The following C4orf51 variants were observed in gnomAD, a reference collection of about 807,000 sequenced individuals.
C4orf51 encodes the protein chromosome 4 open reading frame 51, also known as uncharacterized protein C4orf51.
Under a neutral mutation model 25.2 loss-of-function variants are expected in C4orf51, and 25 were observed. The observed-to-expected ratio is 0.99, with a 90% CI of 0.72 to 1.39. The LOEUF is 1.39. C4orf51 is among the 40% of genes most tolerant of loss of function. The probability of loss-of-function intolerance (pLI) is 0.00; values close to 1 mark genes in which losing one functional copy is unlikely to be tolerated. For synonymous variants in C4orf51, 100 were observed against 84.5 expected (o/e 1.18, Z -1.01); for missense variants, 252 against 239.6 (o/e 1.05, Z -0.34).
intron 1 of C4orf51, among the ~76,000 whole-genome samples, chr4:145,751,762 T>C (rs1354496485): frequency 6.6e-6 from 1 of 152,220 alleles, no homozygotes; most frequent in Non-Finnish European, 1.5e-5. Context: ...GGCCCAGAGA[T>C]GCTCTTCAGG....
intron 1 of C4orf51, among the ~76,000 whole-genome samples, chr4:145,681,103 A>T (rs1728812506): frequency 6.6e-6 from 1 of 152,196 alleles, no homozygotes; most frequent in Non-Finnish European, 1.5e-5. Context: ...AGAAAGAACC[A>T]TTTAGCCCCA....
downstream of C4orf51, among the ~76,000 whole-genome samples, chr4:145,733,221 C>T (rs958502255): frequency 3.3e-5 from 5 of 152,042 alleles, no homozygotes; most frequent in Admixed American, 6.5e-5. Flanking sequence ...CCGGAGCGGC[C>T]GTCTCCTTCT....
chr4:145,787,327 G>T, the C4orf51 span, among the ~76,000 whole-genome samples: 1 of 152,064 alleles, frequency 6.6e-6, no homozygotes, highest in Non-Finnish European at 1.5e-5. Context: ...GCTGAGCGTG[G>T]TGGCGCGCGC....
intron 2 of C4orf51, 125 bp downstream of exon 2, chr4:145,696,757 G>C (rs1189672045): frequency 1.4e-6 from 1 of 703,816 alleles, no homozygotes; most frequent in Non-Finnish European, 2.4e-6. Context: ...TGTAGGCCGG[G>C]CACTGTGGCT....
At chr4:145,696,683 T>C in intron 2 of C4orf51, 51 bp downstream of exon 2, 1 of 1,387,822 alleles carries the variant, frequency 7.2e-7, no homozygotes, top group East Asian at 2.3e-5. Context: ...CCAGGGTTGC[T>C]GTGTTTCTTT....
At chr4:145,752,513 A>G (rs1170504527) in intron 1 of C4orf51, among the ~76,000 whole-genome samples, 1 of 152,170 alleles carries the variant, frequency 6.6e-6, no homozygotes, top group East Asian at 1.9e-4. Flanking sequence ...CTGAACTGTT[A>G]TCCAAGTTAC....
At chr4:145,727,897 A>G (rs6850295) in intron 3 of C4orf51, among the ~76,000 whole-genome samples, 182 of 28,062 alleles carry the variant, frequency 6.5e-3, no homozygotes, top group South Asian at 0.019. Flanking sequence ...AAAAATGTGT[A>G]TATATATATA....
downstream of C4orf51, among the ~76,000 whole-genome samples, chr4:145,755,298 C>G (rs547872568): frequency 1.5e-3 from 230 of 152,272 alleles, no homozygotes; most frequent in African/African-American, 5.4e-3. Flanking sequence ...AGCCTGACTC[C>G]AAGTAATCCA....
Position 145,686,266 on chromosome 4 carries a change from T to C in C4orf51, c.233+5830T>C, listed in dbSNP as rs190743959. The stretch of plus-strand genomic sequence containing the variant: ...GCTAGGAAGAGGGGGAAATGGGGAG[T>C]TATTGTTTAATGAATATAGAGTTTT... On this transcript the variant is annotated intron_variant, in intron 1 of 5. Coordinates refer to ENST00000438731, the MANE Select transcript of C4orf51 (RefSeq NM_001080531.3). Among the ~76,000 whole-genome samples, 25 of 152,160 alleles carry C rather than the reference T, an allele frequency of 1.6e-4. No homozygotes were observed. In the East Asian group the frequency reaches 4.8e-3, roughly 29 times the overall value.
At chr4:145,752,641 T>A (rs1733733545) in intron 1 of C4orf51, among the ~76,000 whole-genome samples, 1 of 152,192 alleles carries the variant, frequency 6.6e-6, no homozygotes, top group Non-Finnish European at 1.5e-5. Context: ...GGCACTCCCT[T>A]AGCTGCCCTG....
At chr4:145,696,523 A>G (rs1730069005) in intron 1 of C4orf51, 36 bp from the exon 2 acceptor site, 1 of 1,521,494 alleles carries the variant, frequency 6.6e-7, no homozygotes, top group Non-Finnish European at 9.1e-7. Flanking sequence ...TAAATCCATA[A>G]ATTTGTAACT....
chr4:145,718,950 A>C (rs1394813915), intron 2 of C4orf51, among the ~76,000 whole-genome samples: 1 of 152,140 alleles, frequency 6.6e-6, no homozygotes, highest in East Asian at 1.9e-4. Flanking sequence ...TTTCCTGCCT[A>C]CCACCTTTAA....
downstream of C4orf51, among the ~76,000 whole-genome samples, chr4:145,733,463 G>A (rs1050744367): frequency 3.3e-5 from 5 of 152,356 alleles, no homozygotes; most frequent in East Asian, 5.8e-4. Context: ...GGCAGCCGCC[G>A]ACTTCTGAGG....
intron 2 of C4orf51, among the ~76,000 whole-genome samples, chr4:145,701,434 C>T (rs1023283203): frequency 3.9e-5 from 6 of 152,082 alleles, no homozygotes; most frequent in African/African-American, 4.8e-5. Context: ...CCTCCTAAGC[C>T]GTGTCCCATC....
chr4:145,705,131 C>T (rs972243505), intron 2 of C4orf51, among the ~76,000 whole-genome samples: 1 of 152,208 alleles, frequency 6.6e-6, no homozygotes, highest in Non-Finnish European at 1.5e-5. Flanking sequence ...TCATTTGAGG[C>T]ATTCTTCCCT....
intron 1 of C4orf51, among the ~76,000 whole-genome samples, chr4:145,752,953 C>T (rs1303116657): frequency 1.3e-5 from 2 of 149,350 alleles, no homozygotes; most frequent in African/African-American, 5.2e-5. Context: ...GTCCCACAAT[C>T]GCTGTGCTCT....
chr4:145,747,336 A>G (rs1733423421), intron 1 of C4orf51, among the ~76,000 whole-genome samples: 1 of 150,792 alleles, frequency 6.6e-6, no homozygotes, highest in African/African-American at 2.4e-5. Flanking sequence ...TGGATCTGTC[A>G]TATATGGCTC....
intron 1 of C4orf51, chr4:145,759,709 A>G (rs1197403659): frequency 1.3e-5 from 2 of 152,154 alleles, no homozygotes; most frequent in East Asian, 3.9e-4. Context: ...CAGATGAGAA[A>G]CAAAAACTAG....
At chr4:145,694,756 TTA>T (rs1729945341) in intron 1 of C4orf51, among the ~76,000 whole-genome samples, 1 of 151,394 alleles carries the variant, frequency 6.6e-6, no homozygotes, top group Admixed American at 6.6e-5. Context: ...GGCCAAGTTT[TTA>T]GTTTTTTCAG....
Sources: allele counts gnomAD v4.1 joint callset (sites outside exome capture counted in the v4.1 genomes callset), GRCh38; gene constraint gnomAD v4.1.1; transcripts MANE v1.5; gene names NCBI Gene and HGNC (gene_info 2026-07-23, HGNC 2026-07-21).